The following GAN variants were observed in gnomAD, a reference collection of about 807,000 sequenced individuals.
The protein encoded by GAN is gigaxonin, also known as epididymis secretory sperm binding protein.
A neutral mutation model predicts 71.3 loss-of-function variants in GAN; 48 were observed. The observed-to-expected ratio is 0.67, with a 90% CI of 0.53 to 0.86. GAN has a LOEUF of 0.86. GAN is among the 40% of genes least tolerant of loss of function. The probability of loss-of-function intolerance (pLI) is 0.00; values close to 1 mark genes in which losing one functional copy is unlikely to be tolerated. For missense variants in GAN, 928 were observed against 770.1 expected (o/e 1.21, Z -2.43); for synonymous variants, 386 against 276.8 (o/e 1.39, Z -3.92).
intron 9 of GAN, among the ~76,000 whole-genome samples, chr16:81,376,996 A>T (rs1309068491): frequency 1.3e-5 from 2 of 152,364 alleles, no homozygotes; most frequent in East Asian, 3.9e-4. Flanking sequence ...TGGAAAGCAC[A>T]TGCTGTTTAT....
At chr16:81,368,653 C>CA (rs776909730) in intron 9 of GAN, among the ~76,000 whole-genome samples, 36 of 152,122 alleles carry the variant, frequency 2.4e-4, no homozygotes, top group Non-Finnish European at 5.0e-4. Context: ...CTTTGCAACT[C>CA]ATCAGTTGCC....
chr16:81,348,281 C>T (rs1293354417), intron 1 of GAN, among the ~76,000 whole-genome samples: 1 of 152,050 alleles, frequency 6.6e-6, no homozygotes, highest in African/African-American at 2.4e-5. Context: ...CTTTTTATGT[C>T]ATCGTACTCT....
At chr16:81,318,260 A>G (rs1195978541) in intron 1 of GAN, among the ~76,000 whole-genome samples, 1 of 152,190 alleles carries the variant, frequency 6.6e-6, no homozygotes, top group African/African-American at 2.4e-5. Context: ...TTGAATGTTC[A>G]AAAGTTTGGT....
intron 1 of GAN, among the ~76,000 whole-genome samples, chr16:81,331,160 G>A (rs7197301): frequency 1.3e-5 from 2 of 152,164 alleles, no homozygotes; most frequent in African/African-American, 4.8e-5. Context: ...ATCTGTGCTC[G>A]CACCACTGCG....
In GAN at chr16:81,383,551, C is replaced by G. The variant is rs1339723588; in HGVS notation, c.*5955C>G. 5.9e-5 allele frequency: 9 copies of G among 151,318 alleles called. No individual in the cohort carries two copies. Among genetic ancestry groups the G allele is most frequent in the East Asian group, 1.9e-4 (1 of 5,188 alleles). 9.4% of individuals were successfully genotyped at this position (151,318 alleles called of 1,614,324 possible). ...ACAGGTGTGAGCCACCTCGCCTGCC[C>G]TCTTTTTTTTTTTTTATTTTGAGAT... On this transcript the variant is annotated 3_prime_UTR_variant, in exon 11 of 11. Transcript: ENST00000648994.
Position 81,356,981 on chromosome 16 carries a change from C to T in GAN, c.830C>T (p.Thr277Ile), listed in dbSNP as rs755554709. 3 of 1,607,982 alleles carry T rather than the reference C, an allele frequency of 1.9e-6. No individual in the cohort carries two copies. The highest frequency in any genetic ancestry group is 2.6e-6 in the Non-Finnish European group (3 of 1,175,250). Residue 277 changes from threonine to isoleucine, a missense_variant, in exon 4 of 11, where the codon ACT becomes ATT. By Grantham distance (89) the Thr-to-Ile change is moderately conservative. Coordinates refer to ENST00000648994, the MANE Select transcript of GAN (RefSeq NM_022041.4). The part of the protein sequence containing the change: ...KPRGYSECIV[T>I]VGGEERVSRK... The stretch of plus-strand genomic sequence containing the variant: ...CGGGGCTACTCTGAGTGCATCGTGA[C>T]TGTTGGTGGAGAAGAGAGAGTGTAA...
intron 1 of GAN, among the ~76,000 whole-genome samples, chr16:81,317,333 G>A (rs1358341957): frequency 1.3e-5 from 2 of 152,158 alleles, no homozygotes; most frequent in African/African-American, 2.4e-5. Flanking sequence ...ATTGAGAAAC[G>A]CACTGGATTC....
intron 2 of GAN, among the ~76,000 whole-genome samples, chr16:81,354,031 C>T (rs879242404): frequency 6.6e-6 from 1 of 152,102 alleles, no homozygotes; most frequent in Non-Finnish European, 1.5e-5. Flanking sequence ...GATGCTGGTA[C>T]TTAATCATGT....
At chr16:81,336,526 T>C (rs1909766875) in intron 1 of GAN, among the ~76,000 whole-genome samples, 1 of 152,166 alleles carries the variant, frequency 6.6e-6, no homozygotes, top group African/African-American at 2.4e-5. Flanking sequence ...TGCAGTGGCA[T>C]GAGCACAGCT....
In GAN at chr16:81,379,287, C is replaced by G. The variant is rs539418848; in HGVS notation, c.*1691C>G. On this transcript the variant is annotated 3_prime_UTR_variant, in exon 11 of 11. Coordinates refer to ENST00000648994, the MANE Select transcript of GAN (RefSeq NM_022041.4). Reference sequence around the variant, plus strand: ...CCTGCTGGAAGTCAGTACAATGCGTCAAAAGTTGCTGAAAGATGCTGTGCC... The same window carrying G: ...CCTGCTGGAAGTCAGTACAATGCGTGAAAAGTTGCTGAAAGATGCTGTGCC... The G allele has an allele frequency of 1.3e-5, 2 of 152,204 alleles. No homozygotes were observed. The highest frequency in any genetic ancestry group is 2.1e-4 in the South Asian group (1 of 4,824). The allele number at this position is 152,204 out of a possible 1,614,324, so 9.4% of individuals were successfully genotyped here. A position where few individuals can be genotyped will look rare whatever the true frequency, so the allele number is the denominator to read the frequency against.
At chr16:81,374,690 C>G (rs1904275743) in intron 9 of GAN, among the ~76,000 whole-genome samples, 1 of 152,214 alleles carries the variant, frequency 6.6e-6, no homozygotes, top group African/African-American at 2.4e-5. Context: ...GCTTCCGTGT[C>G]CTTTGACACA....
At position 81,357,005 on chromosome 16, in the gene GAN, A is replaced by C. The variant is rs770625619; in HGVS notation, c.851+3A>C. The C allele has an allele frequency of 1.3e-6, 2 of 1,565,948 alleles. No individual in the cohort carries two copies. Among genetic ancestry groups the C allele is most frequent in the Non-Finnish European group, 1.8e-6 (2 of 1,137,234 alleles). On this transcript the variant is annotated splice_donor_region_variant and intron_variant, in intron 4 of 10. Coordinates refer to ENST00000648994, the MANE Select transcript of GAN (RefSeq NM_022041.4). ...ACTGTTGGTGGAGAAGAGAGAGTGT[A>C]AGTATGAGGTGGGACTTGTTTGAAA...
At chr16:81,322,288 G>A (rs1001294988) in intron 1 of GAN, among the ~76,000 whole-genome samples, 1 of 152,206 alleles carries the variant, frequency 6.6e-6, no homozygotes, top group Non-Finnish European at 1.5e-5. Flanking sequence ...TAAGATCTTG[G>A]TGAAATATTT....
intron 5 of GAN, 55 bp downstream of exon 5, chr16:81,357,986 C>G (rs751299258): frequency 2.2e-5 from 31 of 1,441,498 alleles, no homozygotes; most frequent in Non-Finnish European, 2.7e-5. Flanking sequence ...TGTGTAATCT[C>G]AAGGTTTTAC....
At chr16:81,364,849 T>A in intron 7 of GAN, 125 bp from the exon 8 acceptor site, 1 of 934,230 alleles carries the variant, frequency 1.1e-6, no homozygotes, top group Non-Finnish European at 1.7e-6. Context: ...AGCACCATCG[T>A]TTTACGGTTA....
chr16:81,338,616 G>C (rs1208318294), intron 1 of GAN, among the ~76,000 whole-genome samples: 1 of 152,158 alleles, frequency 6.6e-6, no homozygotes, highest in South Asian at 2.1e-4. Flanking sequence ...AAACAGAATG[G>C]AATAAAACTA....
intron 1 of GAN, among the ~76,000 whole-genome samples, chr16:81,324,001 T>A (rs1909299687): frequency 6.6e-6 from 1 of 152,230 alleles, no homozygotes; most frequent in South Asian, 2.1e-4. Flanking sequence ...ACTTAGTTTT[T>A]TTATAACATC....
At chr16:81,319,008 G>A (rs1909136780) in intron 1 of GAN, among the ~76,000 whole-genome samples, 1 of 151,722 alleles carries the variant, frequency 6.6e-6, no homozygotes, top group Admixed American at 6.6e-5. Context: ...GTTTGTTGGG[G>A]AAACTAAACC....
intron 1 of GAN, among the ~76,000 whole-genome samples, chr16:81,343,928 T>A (rs1328911822): frequency 1.3e-5 from 2 of 152,192 alleles, no homozygotes; most frequent in Admixed American, 1.3e-4. Flanking sequence ...AGTCTCAGGA[T>A]AGAAAATGAA....
Sources: gnomAD v4.1 joint callset for allele counts (sites outside exome capture counted in the v4.1 genomes callset) on GRCh38, gnomAD v4.1.1 for gene constraint, MANE v1.5 for transcripts, NCBI Gene and HGNC (gene_info 2026-07-23, HGNC 2026-07-21) for gene names.